CEP295: variants seen among roughly 807,000 people sequenced by gnomAD.
CEP295 encodes the protein centrosomal protein 295.
CEP295 carries 190 observed loss-of-function variants against 291.6 expected under a neutral mutation model. The observed-to-expected ratio is 0.65, with a 90% CI of 0.58 to 0.73. The LOEUF is 0.73. CEP295 is among the 30% of genes least tolerant of loss of function. CEP295 has a pLI of 0.00. For synonymous variants in CEP295, 993 were observed against 1,038.8 expected, an observed-to-expected ratio of 0.96 and a Z score of 0.85; for missense variants, 2,863 against 2,949.4, an observed-to-expected ratio of 0.97 and a Z score of 0.68.
intron 1 of CEP295, among the ~76,000 whole-genome samples, chr11:93,663,608 T>C (rs1413406075): frequency 6.6e-6 from 1 of 152,214 alleles, no homozygotes; most frequent in African/African-American, 2.4e-5. Context: ...ACCATGGTTA[T>C]GTACAAGACG....
Position 93,697,012 on chromosome 11 carries a change from C to T in CEP295, c.2100C>T (p.Thr700=). The T allele has an allele frequency of 6.4e-7, 1 of 1,551,514 alleles. No individual in the cohort carries two copies. Among genetic ancestry groups the T allele is most frequent in the Non-Finnish European group, 8.7e-7 (1 of 1,146,910 alleles). Residue 700 remains threonine, a synonymous_variant, in exon 15 of 30, where the codon ACC becomes ACT. Coordinates refer to ENST00000325212, the MANE Select transcript of CEP295 (RefSeq NM_033395.2). ...CATTACGCGCTTCAGATATTTTAAC[C>T]AATCAAGCTTTAGAATCACAAGAAC... The part of the protein sequence containing the change: ...TETLRASDIL[T]NQALESQEHL...
In CEP295 at chr11:93,669,691, G is replaced by A. The variant is rs556819315; in HGVS notation, c.449G>A (p.Arg150Gln). 4.5e-6 allele frequency: 7 copies of A among 1,549,768 alleles called. No individual in the cohort carries two copies. Among genetic ancestry groups the A allele is most frequent in the Admixed American group, 2.0e-5 (1 of 50,966 alleles). The change falls in exon 5 of 30, where the codon CGA (arginine) becomes CAA (glutamine). Residue 150 changes from arginine (R) to glutamine (Q), a missense_variant. Arg to Gln is a conservative substitution (Grantham distance 43, BLOSUM62 1). Coordinates refer to ENST00000325212, the MANE Select transcript of CEP295 (RefSeq NM_033395.2). Reference sequence around the variant, plus strand: ...TGTTTCTTAAGGCATATAAAAGCTCGAAAGGAAGCACTGCTTGTGGAAAAA... The same window carrying A: ...TGTTTCTTAAGGCATATAAAAGCTCAAAAGGAAGCACTGCTTGTGGAAAAA... ...LKQKTWHIKARKEALLVEKER... is the reference protein window; with the variant it reads ...LKQKTWHIKAQKEALLVEKER...
Position 93,669,710 on chromosome 11 carries a change from G to A in CEP295, c.468G>A (p.Val156=). Residue 156 remains valine (V), a synonymous_variant, in exon 5 of 30, where the codon GTG becomes GTA. Coordinates refer to ENST00000325212, the MANE Select transcript of CEP295 (RefSeq NM_033395.2). ...HIKARKEALL[V]EKERSAKITS... ...AAGCTCGAAAGGAAGCACTGCTTGT[G>A]GAAAAAGAGAGATCAGCCAAAATTA... is the stretch of plus-strand genomic sequence containing the variant. 1 of 1,550,538 alleles carries A rather than the reference G, an allele frequency of 6.4e-7. No homozygotes were observed. Among genetic ancestry groups the A allele is most frequent in the Non-Finnish European group, 8.7e-7 (1 of 1,146,150 alleles).
Position 93,699,108 on chromosome 11 carries a change from T to A in CEP295, c.4196T>A (p.Leu1399Gln). Residue 1399 changes from leucine to glutamine, a missense_variant, in exon 15 of 30, where the codon CTA (leucine) becomes CAA (glutamine). Transcript: ENST00000325212. ...PEQVDTSSLP[L>Q]VPQHSFASLP... ...CAGGTTGACACCTCTTCCTTACCCC[T>A]AGTACCACAGCATTCATTCGCCTCA... is the stretch of plus-strand genomic sequence containing the variant. 1 of 1,549,102 alleles carries A rather than the reference T, an allele frequency of 6.5e-7. No homozygotes were observed. Among genetic ancestry groups the A allele is most frequent in the Non-Finnish European group, 8.7e-7 (1 of 1,147,080 alleles).
At position 93,721,390 on chromosome 11, in the gene CEP295, C is replaced by A. The variant is rs770619427; in HGVS notation, c.5828C>A (p.Pro1943Gln). The change falls in exon 19 of 30, where the codon CCA (proline) becomes CAA (glutamine). Residue 1943 changes from proline (P) to glutamine (Q), a missense_variant. This residue lies in a region of CEP295 where 2,295 missense variants were observed against 2,335.7 expected (regional missense o/e 0.98). Transcript: ENST00000325212. ...AVEEEHAYLGPTVKPDDKAKT... is the reference protein window; with the variant it reads ...AVEEEHAYLGQTVKPDDKAKT... Reference sequence around the variant, plus strand: ...GAGGAAGAACATGCATATTTGGGTCCAACTGTGAAGCCAGATGATAAGGTT... The same window carrying A: ...GAGGAAGAACATGCATATTTGGGTCAAACTGTGAAGCCAGATGATAAGGTT... 1 of 1,588,696 alleles carries A rather than the reference C, an allele frequency of 6.3e-7. No individual in the cohort carries two copies. The highest frequency in any genetic ancestry group is 2.3e-5 in the East Asian group (1 of 43,992).
At chr11:93,707,960 A>C (rs930897044) in intron 18 of CEP295, among the ~76,000 whole-genome samples, 4 of 152,350 alleles carry the variant, frequency 2.6e-5, no homozygotes, top group African/African-American at 4.8e-5. Context: ...GTGGATTAAA[A>C]TAACTGTAAA....
intron 15 of CEP295, among the ~76,000 whole-genome samples, chr11:93,701,263 G>A (rs1382896160): frequency 6.6e-6 from 1 of 152,134 alleles, no homozygotes; most frequent in Non-Finnish European, 1.5e-5. Flanking sequence ...AACTCTGGAG[G>A]CTTAGGTGGG....
At chr11:93,716,139 G>C (rs1015193547) in intron 18 of CEP295, among the ~76,000 whole-genome samples, 1 of 152,148 alleles carries the variant, frequency 6.6e-6, no homozygotes, top group African/African-American at 2.4e-5. Flanking sequence ...AATTTAGCCC[G>C]TAGTGACAAG....
Position 93,689,985 on chromosome 11 carries a change from A to G in CEP295, c.1337-1698A>G, listed in dbSNP as rs76504947. Among the ~76,000 whole-genome samples the G allele has an allele frequency of 7.1e-3, 1,084 of 152,352 alleles. 7 individuals carry two copies. Among genetic ancestry groups the G allele is most frequent in the Non-Finnish European group, 0.011 (743 of 68,032 alleles). On this transcript the variant is annotated intron_variant, in intron 10 of 29. Transcript: ENST00000325212. ...TTGTAAGACCATCTGAGGGATTCCAACATCTAGAAGATGGCTAGAGAAAGG... is the reference window on the plus strand; with the variant it reads ...TTGTAAGACCATCTGAGGGATTCCAGCATCTAGAAGATGGCTAGAGAAAGG...
chr11:93,705,121 A>G (rs1350989465), intron 17 of CEP295, among the ~76,000 whole-genome samples: 2 of 152,018 alleles, frequency 1.3e-5, no homozygotes, highest in Admixed American at 6.5e-5. Flanking sequence ...TCAGTTAAAT[A>G]CCTCTCAATA....
At chr11:93,706,989 T>C in intron 18 of CEP295, 92 bp downstream of exon 18, 1 of 1,119,018 alleles carries the variant, frequency 8.9e-7, no homozygotes, top group East Asian at 2.7e-5. Flanking sequence ...TGAAAAATGG[T>C]AAATAAACTT....
intron 18 of CEP295, among the ~76,000 whole-genome samples, chr11:93,707,937 A>C (rs112250918): frequency 8.5e-5 from 13 of 152,324 alleles, no homozygotes; most frequent in African/African-American, 3.1e-4. Flanking sequence ...TGACTTTAAC[A>C]TCTCTTTAAA....
At position 93,700,017 on chromosome 11, in the gene CEP295, TAACTC is replaced by T. The variant is rs1435579425; in HGVS notation, c.5107_5111del (p.Thr1703AlafsTer3). The T allele has an allele frequency of 7.1e-6, 11 of 1,551,832 alleles. No individual in the cohort carries two copies. Among genetic ancestry groups the T allele is most frequent in the Non-Finnish European group, 9.6e-6 (11 of 1,147,006 alleles). On this transcript the variant is annotated frameshift_variant, in exon 15 of 30. Transcript: ENST00000325212. LOFTEE classifies it high-confidence loss of function. The stretch of plus-strand genomic sequence containing the variant: ...CTTTTGAGTTTTTCACAGTCTGTCT[TAACTC>T]AGCAAGATAACTTGGGACTTCAGAA...
chr11:93,722,821 A>G, intron 20 of CEP295: 1 of 394,280 alleles, frequency 2.5e-6, no homozygotes, highest in Non-Finnish European at 4.6e-6. Context: ...GCAATGGTGC[A>G]ATCTCGGCTC....
chr11:93,727,849 C>A, intron 24 of CEP295: 1 of 468,078 alleles, frequency 2.1e-6, no homozygotes, highest in Non-Finnish European at 3.8e-6. Context: ...ACAAGCAAAA[C>A]TGCTTGTTAA....
chr11:93,699,181 C>T lies in CEP295; in HGVS notation c.4269C>T (p.Asn1423=). 1.3e-6 allele frequency: 2 copies of T among 1,551,906 alleles called. No homozygotes were observed. Among genetic ancestry groups the T allele is most frequent in the Non-Finnish European group, 1.7e-6 (2 of 1,147,024 alleles). The change falls in exon 15 of 30, where the codon AAC becomes AAT. Residue 1423 remains asparagine, a synonymous_variant. Transcript: ENST00000325212. ...GAAACCAAGAACCATGTTCAATTAACAGTGATAATATAGTATCCTCAGGTC... is the reference window on the plus strand; with the variant it reads ...GAAACCAAGAACCATGTTCAATTAATAGTGATAATATAGTATCCTCAGGTC... ...SERNQEPCSI[N]SDNIVSSGHS... is the part of the protein sequence containing the mutation.
Position 93,691,730 on chromosome 11 carries a change from G to A in CEP295, c.1384G>A (p.Glu462Lys). 1 of 1,547,510 alleles carries A rather than the reference G, an allele frequency of 6.5e-7. No individual in the cohort carries two copies. The highest frequency in any genetic ancestry group is 1.2e-5 in the South Asian group (1 of 82,746). Residue 462 changes from glutamate (E) to lysine (K), a missense_variant, in exon 11 of 30, where the codon GAA (glutamate) becomes AAA (lysine). Around this residue, in one of 3 missense-constraint regions of CEP295, gnomAD observed 554 missense variants for 576.0 expected, o/e 0.96. Transcript: ENST00000325212. Reference protein sequence around the residue: ...LTIESGPLASEDKPLSCGTNS... With the variant: ...LTIESGPLASKDKPLSCGTNS... ...AATTGAGTCTGGACCACTTGCTAGT[G>A]AAGATAAACCACTTTCGTGTGGTAC...
At chr11:93,702,347 A>G (rs1952220070) in intron 15 of CEP295, 113 bp from the exon 16 acceptor site, 2 of 611,362 alleles carry the variant, frequency 3.3e-6, no homozygotes, top group Admixed American at 7.6e-5. Flanking sequence ...TGATTGATGG[A>G]ACTATTTATT....
chr11:93,699,684 G>A lies in CEP295; in HGVS notation c.4772G>A (p.Ser1591Asn). ...CCAAGATTACAGGATAGACTTTTGAGTTTATCAAAGCCTATTCTGCCTCAG... is the reference window on the plus strand; with the variant it reads ...CCAAGATTACAGGATAGACTTTTGAATTTATCAAAGCCTATTCTGCCTCAG... ...EIPRLQDRLL[S>N]LSKPILPQQD... Residue 1591 changes from serine (S) to asparagine (N), a missense_variant, in exon 15 of 30, where the codon AGT becomes AAT. Physicochemically the swap from Ser to Asn is conservative, Grantham distance 46. Coordinates refer to ENST00000325212, the MANE Select transcript of CEP295 (RefSeq NM_033395.2). 6.4e-7 allele frequency: 1 copy of A among 1,551,430 alleles called. No homozygotes were observed. Among genetic ancestry groups the A allele is most frequent in the Non-Finnish European group, 8.7e-7 (1 of 1,147,014 alleles).
Sources: gnomAD v4.1 joint callset for allele counts (sites outside exome capture counted in the v4.1 genomes callset) on GRCh38, gnomAD v4.1.1 for gene constraint, gnomAD v4.1.1 regional missense constraint, MANE v1.5 for transcripts, NCBI Gene and HGNC (gene_info 2026-07-23, HGNC 2026-07-21) for gene names.